Variants in OLA1 observed in about 807,000 individuals in gnomAD.
OLA1 encodes obg-like ATPase 1.
Under a neutral mutation model 48.4 loss-of-function variants are expected in OLA1, and 14 were observed. That is an observed-to-expected ratio of 0.29 (90% CI 0.19 to 0.45). The LOEUF (loss-of-function observed/expected upper bound fraction) is 0.45. OLA1 is among the 20% of genes least tolerant of loss of function. The pLI is 1.00. For synonymous variants in OLA1, 127 were observed against 150.4 expected, an observed-to-expected ratio of 0.84 and a Z score of 1.14; for missense variants, 325 against 467.1, an observed-to-expected ratio of 0.70 and a Z score of 2.80.
intron 5 of OLA1, among the ~76,000 whole-genome samples, chr2:174,134,890 G>C (rs537902499): frequency 6.6e-6 from 1 of 152,282 alleles, no homozygotes; most frequent in South Asian, 2.1e-4. Flanking sequence ...GGCCGGGCGT[G>C]GTGGCTCATG....
At chr2:174,177,600 A>C (rs537054666) in intron 4 of OLA1, among the ~76,000 whole-genome samples, 1 of 152,102 alleles carries the variant, frequency 6.6e-6, no homozygotes, top group Admixed American at 6.6e-5. Context: ...TGTTTCTTAA[A>C]AGTTAGCATA....
chr2:174,136,851 A>G (rs764220806), intron 5 of OLA1, among the ~76,000 whole-genome samples: 5 of 148,780 alleles, frequency 3.4e-5, no homozygotes, highest in Non-Finnish European at 6.0e-5. Flanking sequence ...TTTTTTTTGT[A>G]TTTTCAGTAG....
intron 4 of OLA1, among the ~76,000 whole-genome samples, chr2:174,210,331 C>A (rs545842449): frequency 6.6e-6 from 1 of 152,070 alleles, no homozygotes; most frequent in Non-Finnish European, 1.5e-5. Flanking sequence ...GGAACAGGGG[C>A]AAACATGATA....
chr2:174,138,595 T>C (rs531548934), intron 5 of OLA1, among the ~76,000 whole-genome samples: 1 of 152,052 alleles, frequency 6.6e-6, no homozygotes, highest in Non-Finnish European at 1.5e-5. Context: ...GCATTGAGTT[T>C]CTCAACACAG....
At chr2:174,242,678 A>C (rs1393630674) in intron 2 of OLA1, among the ~76,000 whole-genome samples, 3 of 152,188 alleles carry the variant, frequency 2.0e-5, no homozygotes, top group African/African-American at 7.2e-5. Flanking sequence ...TGATGCTCTT[A>C]ATTGAACCTA....
chr2:174,088,179 C>A (rs1685026819), intron 7 of OLA1, among the ~76,000 whole-genome samples: 1 of 152,204 alleles, frequency 6.6e-6, no homozygotes, highest in Non-Finnish European at 1.5e-5. Flanking sequence ...TCATTAAGGA[C>A]TTGGCTTTTA....
At chr2:174,077,767 T>A (rs920784221) in intron 10 of OLA1, among the ~76,000 whole-genome samples, 1 of 152,150 alleles carries the variant, frequency 6.6e-6, no homozygotes, top group African/African-American at 2.4e-5. Context: ...AAAAGAAGCA[T>A]CTGATCTCTG....
intron 5 of OLA1, among the ~76,000 whole-genome samples, chr2:174,137,768 T>C (rs1390912359): frequency 2.6e-5 from 4 of 152,264 alleles, no homozygotes; most frequent in Non-Finnish European, 5.9e-5. Context: ...CTCAGTTTTC[T>C]AACTCTAGAA....
chr2:174,201,263 T>C (rs1687984166), intron 4 of OLA1, among the ~76,000 whole-genome samples: 1 of 152,222 alleles, frequency 6.6e-6, no homozygotes. Context: ...GAAGTTAAAA[T>C]GATGGGTTTC....
Position 174,141,976 on chromosome 2 carries a change from G to A in OLA1, c.398C>T (p.Thr133Met), listed in dbSNP as rs145321003. 1,025 of 1,612,968 alleles carry A rather than the reference G, an allele frequency of 6.4e-4. 1 individual carries two copies. The highest frequency in any genetic ancestry group is 1.7e-3 in the South Asian group (152 of 90,822). ...AGGATCTACACTTCCTTCAACGTGC[G>A]TGATATCATCATCTTCAAAAGCACC... ...LTRAFEDDDITHVEGSVDPIR... is the reference protein window; with the variant it reads ...LTRAFEDDDIMHVEGSVDPIR... Residue 133 changes from threonine (T) to methionine (M), a missense_variant, in exon 5 of 11, where the codon ACG (threonine) becomes ATG (methionine). Thr to Met is a moderately conservative substitution (Grantham distance 81). Coordinates refer to ENST00000284719, the MANE Select transcript of OLA1 (RefSeq NM_013341.5).
At chr2:174,194,747 G>A (rs922824883) in intron 4 of OLA1, among the ~76,000 whole-genome samples, 1 of 152,078 alleles carries the variant, frequency 6.6e-6, no homozygotes, top group Non-Finnish European at 1.5e-5. Flanking sequence ...AAGGAAAGAA[G>A]AGCCAATTTC....
chr2:174,192,728 T>C (rs1192184044), intron 4 of OLA1, among the ~76,000 whole-genome samples: 1 of 152,224 alleles, frequency 6.6e-6, no homozygotes, highest in Admixed American at 6.5e-5. Context: ...AGACTATTTC[T>C]GTTTCATTTC....
At chr2:174,134,266 TC>T (rs1686250801) in intron 5 of OLA1, among the ~76,000 whole-genome samples, 1 of 152,240 alleles carries the variant, frequency 6.6e-6, no homozygotes, top group African/African-American at 2.4e-5. Flanking sequence ...TCATTTTTTT[TC>T]TTTCCCCAGA....
chr2:174,136,594 T>A (rs1206136977), intron 5 of OLA1, among the ~76,000 whole-genome samples: 1 of 152,112 alleles, frequency 6.6e-6, no homozygotes, highest in Non-Finnish European at 1.5e-5. Context: ...CTCAAAGTCA[T>A]CCATGTGGGT....
chr2:174,080,527 T>C (rs1684833052), intron 9 of OLA1, among the ~76,000 whole-genome samples: 2 of 152,112 alleles, frequency 1.3e-5, no homozygotes, highest in Non-Finnish European at 2.9e-5. Context: ...AAATTAGTCA[T>C]TCTCTCTGTT....
At chr2:174,087,066 C>A (rs1009774891) in intron 7 of OLA1, among the ~76,000 whole-genome samples, 3 of 148,810 alleles carry the variant, frequency 2.0e-5, no homozygotes, top group African/African-American at 7.4e-5. Context: ...CTCGCTCTGT[C>A]GCCAGGCTGG....
intron 4 of OLA1, among the ~76,000 whole-genome samples, chr2:174,142,739 T>G (rs2105381400): frequency 6.6e-6 from 1 of 152,330 alleles, no homozygotes; most frequent in African/African-American, 2.4e-5. Context: ...ACTGACTTTA[T>G]GCCCTTTTGA....
chr2:174,137,594 T>A (rs956531411), intron 5 of OLA1, among the ~76,000 whole-genome samples: 12 of 152,258 alleles, frequency 7.9e-5, no homozygotes, highest in Non-Finnish European at 1.8e-4. Context: ...ATTGTCTTCA[T>A]CAATGATCTT....
At chr2:174,159,977 G>A (rs986529822) in intron 4 of OLA1, among the ~76,000 whole-genome samples, 1 of 151,946 alleles carries the variant, frequency 6.6e-6, no homozygotes, top group African/African-American at 2.4e-5. Context: ...TAAATACAGC[G>A]ATATATTAAC....
Sources: allele counts gnomAD v4.1 joint callset (sites outside exome capture counted in the v4.1 genomes callset), GRCh38; gene constraint gnomAD v4.1.1; transcripts MANE v1.5; gene names NCBI Gene and HGNC (gene_info 2026-07-23, HGNC 2026-07-21).